The following DNAI7 variants were observed in gnomAD, a reference collection of about 807,000 sequenced individuals.
The protein encoded by DNAI7 is cancer susceptibility 1.
In DNAI7, 78 loss-of-function variants were observed where a neutral mutation model predicts 86.6. The observed-to-expected ratio is 0.90, with a 90% confidence interval of 0.75 to 1.09. DNAI7 has a LOEUF of 1.09. DNAI7 is among the 50% of genes least tolerant of loss of function. The pLI, the probability that DNAI7 is intolerant of heterozygous loss-of-function variation, is 0.00. For synonymous variants in DNAI7, 274 were observed against 273.0 expected (o/e 1.00, Z -0.04); for missense variants, 753 against 810.2 (o/e 0.93, Z 0.86).
chr12:25,166,770 A>G (rs528502451), intron 2 of DNAI7, among the ~76,000 whole-genome samples: 116 of 152,274 alleles, frequency 7.6e-4, no homozygotes, highest in Non-Finnish European at 1.4e-3. Flanking sequence ...GTTTTAGCCT[A>G]GCCCTCATGT....
intron 9 of DNAI7, among the ~76,000 whole-genome samples, chr12:25,135,354 A>G (rs1290658188): frequency 6.6e-6 from 1 of 152,228 alleles, no homozygotes; most frequent in Non-Finnish European, 1.5e-5. Context: ...TCTGACTTTT[A>G]TCTCACAGGG....
Position 25,111,844 on chromosome 12 carries a change from A to G in DNAI7, c.1707T>C (p.Ile569=). The part of the protein sequence containing the change: ...GTWMTPIPFI[I]ALKEAGLNIF... ...TATTCAGTCCAGCTTCTTTCAAAGC[A>G]ATAATGAAAGGAATAGGAGTCATCC... Residue 569 remains isoleucine (I), a synonymous_variant, in exon 14 of 16, where the codon ATT becomes ATC. Transcript: ENST00000395987. The G allele has an allele frequency of 6.2e-7, 1 of 1,604,060 alleles. No individual in the cohort carries two copies. The highest frequency in any genetic ancestry group is 8.5e-7 in the Non-Finnish European group (1 of 1,173,976).
At chr12:25,157,147 G>A (rs1402988457) in intron 4 of DNAI7, among the ~76,000 whole-genome samples, 1 of 151,804 alleles carries the variant, frequency 6.6e-6, no homozygotes, top group Admixed American at 6.6e-5. Flanking sequence ...GCGCAGTGGC[G>A]GGTGCCTGTA....
chr12:25,154,039 G>A (rs1353127973), intron 6 of DNAI7, among the ~76,000 whole-genome samples: 2 of 151,928 alleles, frequency 1.3e-5, no homozygotes, highest in African/African-American at 2.4e-5. Context: ...ACCCCCACCC[G>A]AGTTATCTAC....
intron 10 of DNAI7, among the ~76,000 whole-genome samples, chr12:25,122,448 C>CAAAAAAAAA (rs34138209): frequency 2.6e-5 from 2 of 76,718 alleles, no homozygotes; most frequent in African/African-American, 5.3e-5. Flanking sequence ...GATCTCATCT[C>CAAAAAAAAA]AAAAAAAAAA....
At chr12:25,172,827 A>G (rs1396784083) in intron 2 of DNAI7, among the ~76,000 whole-genome samples, 1 of 152,198 alleles carries the variant, frequency 6.6e-6, no homozygotes, top group African/African-American at 2.4e-5. Flanking sequence ...ATCTTCGACA[A>G]AGCAAACAAA....
chr12:25,132,574 TTTTTA>T (rs925562928), intron 9 of DNAI7, among the ~76,000 whole-genome samples: 16 of 141,444 alleles, frequency 1.1e-4, no homozygotes, highest in African/African-American at 5.0e-4. Flanking sequence ...GGCACAATCA[TTTTTA>T]TTTATTTTGT....
intron 2 of DNAI7, among the ~76,000 whole-genome samples, chr12:25,168,318 G>C (rs1281925810): frequency 6.6e-6 from 1 of 152,134 alleles, no homozygotes; most frequent in Non-Finnish European, 1.5e-5. Flanking sequence ...TTTGCAAATA[G>C]GACCGAAGAG....
intron 8 of DNAI7, among the ~76,000 whole-genome samples, chr12:25,145,877 G>T (rs932333417): frequency 1.3e-4 from 20 of 152,126 alleles, no homozygotes; most frequent in Admixed American, 3.3e-4. Context: ...TTTCTTTGTT[G>T]AAAACTATTG....
At chr12:25,182,365 A>T (rs1026254424) in intron 2 of DNAI7, among the ~76,000 whole-genome samples, 6 of 151,376 alleles carry the variant, frequency 4.0e-5, no homozygotes, top group Non-Finnish European at 8.8e-5. Flanking sequence ...AAAAAAAAAA[A>T]AGACACCTGT....
rs575462201 is a variant in DNAI7, at chr12:25,131,819, C to G, written c.1003-8533G>C. 1.5e-3 allele frequency among the ~76,000 whole-genome samples: 224 copies of G among 152,226 alleles called. 4 individuals carry two copies. The highest frequency in any genetic ancestry group is 2.8e-3 in the Non-Finnish European group (192 of 68,008). On this transcript the variant is annotated intron_variant, in intron 9 of 15. Coordinates refer to ENST00000395987, the MANE Select transcript of DNAI7 (RefSeq NM_018272.5). ...TCATTCACTTCTTCCTTCCTTCATT[C>G]AATAAACATTCATTGAGCCCTTATC...
chr12:25,161,218 A>T (rs1946806912), intron 2 of DNAI7, 21 bp from the exon 3 acceptor site: 1 of 1,593,520 alleles, frequency 6.3e-7, no homozygotes, highest in Non-Finnish European at 8.6e-7. Context: ...GCCACATCAT[A>T]AAAAAGGCTA....
chr12:25,109,407 A>T (rs937262675), intron 15 of DNAI7, among the ~76,000 whole-genome samples: 1 of 148,840 alleles, frequency 6.7e-6, no homozygotes, highest in African/African-American at 2.4e-5. Flanking sequence ...TTTTTAAGAG[A>T]TGGGGGTCTC....
chr12:25,180,721 TGG>T, intron 2 of DNAI7, among the ~76,000 whole-genome samples: 1 of 152,326 alleles, frequency 6.6e-6, no homozygotes, highest in South Asian at 2.1e-4. Flanking sequence ...CTAGGAAAAC[TGG>T]CTAGCCACTT....
intron 7 of DNAI7, among the ~76,000 whole-genome samples, chr12:25,148,092 AGT>A: frequency 6.6e-6 from 1 of 152,208 alleles, no homozygotes; most frequent in Non-Finnish European, 1.5e-5. Context: ...AATTTTTTTA[AGT>A]GTGATTATTC....
At position 25,131,165 on chromosome 12, in the gene DNAI7, C is replaced by CAAA. The variant is rs11368564; in HGVS notation, c.1003-7882_1003-7880dup. 4.0e-4 allele frequency among the ~76,000 whole-genome samples: 59 copies of CAAA among 147,340 alleles called. 1 individual carries two copies. Among genetic ancestry groups the CAAA allele is most frequent in the East Asian group, 3.3e-3 (17 of 5,082 alleles). On this transcript the variant is annotated intron_variant, in intron 9 of 15. Coordinates refer to ENST00000395987, the MANE Select transcript of DNAI7 (RefSeq NM_018272.5). ...GTGAGGTAAGCAGTTTACCCCCAAC[C>CAAA]AAAAAAAAAAAGCTGGAAAAATAGA... is the stretch of plus-strand genomic sequence containing the variant.
At chr12:25,148,998 C>T (rs7966158) in intron 7 of DNAI7, among the ~76,000 whole-genome samples, 103,749 of 151,726 alleles carry the variant, frequency 0.68, 39,490 homozygotes, top group East Asian at 0.99. Context: ...TTCTTCTATT[C>T]TTACTTTTAT....
chr12:25,164,529 T>C (rs1947212910), intron 2 of DNAI7, among the ~76,000 whole-genome samples: 1 of 152,186 alleles, frequency 6.6e-6, no homozygotes, highest in Non-Finnish European at 1.5e-5. Context: ...TTGACCCCAA[T>C]ACAAACTTGA....
At chr12:25,162,346 A>G (rs1265363312) in intron 2 of DNAI7, among the ~76,000 whole-genome samples, 1 of 152,236 alleles carries the variant, frequency 6.6e-6, no homozygotes, top group East Asian at 1.9e-4. Context: ...AATAATTTAC[A>G]TATAATTAGT....
Sources: allele counts gnomAD v4.1 joint callset (sites outside exome capture counted in the v4.1 genomes callset), GRCh38; gene constraint gnomAD v4.1.1; transcripts MANE v1.5; gene names NCBI Gene and HGNC (gene_info 2026-07-23, HGNC 2026-07-21).